The following ADD1 variants were observed in gnomAD, a reference collection of about 807,000 sequenced individuals.
ADD1 encodes the protein adducin 1.
A neutral mutation model predicts 80.5 loss-of-function variants in ADD1; 24 were observed. That is an observed-to-expected ratio of 0.30 (90% confidence interval 0.22 to 0.42). The LOEUF is 0.42. Among genes scored for constraint, ADD1 ranks in the 10% least tolerant of loss-of-function variants. The pLI, the probability that ADD1 is intolerant of heterozygous loss-of-function variation, is 1.00. For synonymous variants in ADD1, 373 were observed against 393.8 expected (o/e 0.95, Z 0.63); for missense variants, 948 against 1,019.0 (o/e 0.93, Z 0.95).
chr4:2,907,885 G>A (rs574980183), intron 11 of ADD1, 41 bp downstream of exon 11: 2 of 1,509,334 alleles, frequency 1.3e-6, no homozygotes, highest in South Asian at 2.3e-5. Flanking sequence ...TTGGGTGTGG[G>A]ATTGGAAGGG....
At chr4:2,858,099 T>C (rs2108813517) in intron 1 of ADD1, among the ~76,000 whole-genome samples, 1 of 152,322 alleles carries the variant, frequency 6.6e-6, no homozygotes, top group South Asian at 2.1e-4. Flanking sequence ...TACGAAGCCG[T>C]GATAACAGCC....
Position 2,856,581 on chromosome 4 carries a change from A to G in ADD1, c.-21+12557A>G, listed in dbSNP as rs577366882. Among the ~76,000 whole-genome samples, 4 of 141,428 alleles carry G rather than the reference A, an allele frequency of 2.8e-5. No homozygotes were observed. The Admixed American group carries it at 2.8e-4, about 10-fold the overall frequency. The allele number at this position is 141,428 out of a possible 152,430, so 92.8% of individuals were successfully genotyped here. ...CATGTTACTCAAGTAAATGGTTACT[A>G]GAGTTTTTTTTTTTTTTTTTTTTTT... On this transcript the variant is annotated intron_variant, in intron 1 of 15. Transcript: ENST00000683351.
At position 2,876,022 on chromosome 4, in the gene ADD1, T is replaced by C; in HGVS notation, c.107T>C (p.Leu36Ser). ...GTAGATGAGAACAACCCAGAGTACT[T>C]GAGGGAGAGGAACATGGCACCAGAC... ...DRVDENNPEY[L>S]RERNMAPDLR... The change falls in exon 2 of 16, where the codon TTG becomes TCG. Residue 36 changes from leucine (L) to serine (S), a missense_variant. Coordinates refer to ENST00000683351, the MANE Select transcript of ADD1 (RefSeq NM_001354761.2). 1 of 1,613,922 alleles carries C rather than the reference T, an allele frequency of 6.2e-7. No individual in the cohort carries two copies. Among genetic ancestry groups the C allele is most frequent in the Non-Finnish European group, 8.5e-7 (1 of 1,179,960 alleles).
At chr4:2,911,448 A>ATATATATATATATATATATATTT (rs553567632) in intron 13 of ADD1, among the ~76,000 whole-genome samples, 1 of 130,520 alleles carries the variant, frequency 7.7e-6, no homozygotes, top group African/African-American at 3.0e-5. Flanking sequence ...ATATATATAT[A>ATATATATATATATATATATATTT]TTTTTTTTTT....
At chr4:2,888,810 T>C (rs935618955) in intron 4 of ADD1, among the ~76,000 whole-genome samples, 2 of 152,090 alleles carry the variant, frequency 1.3e-5, no homozygotes, top group African/African-American at 4.8e-5. Context: ...TGTTGTATAC[T>C]ATGAAAAACA....
At chr4:2,899,156 C>G in intron 8 of ADD1, 103 bp from the exon 9 acceptor site, 1 of 1,166,916 alleles carries the variant, frequency 8.6e-7, no homozygotes, top group Non-Finnish European at 1.2e-6. Context: ...TTCTTACACT[C>G]TAGAGATTTG....
intron 4 of ADD1, among the ~76,000 whole-genome samples, chr4:2,892,323 T>A (rs1734423933): frequency 6.6e-6 from 1 of 152,250 alleles, no homozygotes; most frequent in Non-Finnish European, 1.5e-5. Flanking sequence ...TTAGGAAGCC[T>A]TTTGAGCCTA....
chr4:2,875,876 C>A lies in ADD1; in HGVS notation c.-20-20C>A, dbSNP rs779570947. 1.3e-6 allele frequency: 2 copies of A among 1,520,498 alleles called. No homozygotes were observed. The highest frequency in any genetic ancestry group is 2.6e-5 in the South Asian group (2 of 76,666). The allele number at this position is 1,520,498 out of a possible 1,614,324, so 94.2% of individuals were successfully genotyped here. On this transcript the variant is annotated intron_variant, in intron 1 of 15. Coordinates refer to ENST00000683351, the MANE Select transcript of ADD1 (RefSeq NM_001354761.2). ...GACATTGATTTGAAAACAATAATTTCTTTTATTTTGATTCTGTAGGAACCT... is the reference window on the plus strand; with the variant it reads ...GACATTGATTTGAAAACAATAATTTATTTTATTTTGATTCTGTAGGAACCT...
At chr4:2,870,948 T>G (rs74910331) in intron 1 of ADD1, among the ~76,000 whole-genome samples, 6 of 148,498 alleles carry the variant, frequency 4.0e-5, no homozygotes, top group Admixed American at 2.7e-4. Context: ...CTGTTTTTTT[T>G]GTAAACAGAT....
intron 6 of ADD1, among the ~76,000 whole-genome samples, chr4:2,897,541 CTTTTTTTTTTTTTTT>C (rs34592055): frequency 1.0e-5 from 1 of 99,156 alleles, no homozygotes; most frequent in Non-Finnish European, 2.0e-5. Flanking sequence ...AAACCTCCTC[CTTTTTTTTTTTTTTT>C]TTTTTTTTTA....
At chr4:2,851,999 C>T (rs560167752) in intron 1 of ADD1, among the ~76,000 whole-genome samples, 5 of 152,142 alleles carry the variant, frequency 3.3e-5, no homozygotes, top group East Asian at 3.9e-4. Context: ...TCACTACGCC[C>T]GGCTAATTTT....
chr4:2,844,521 C>G (rs1460070505), intron 1 of ADD1: 1 of 152,248 alleles, frequency 6.6e-6, no homozygotes, highest in Non-Finnish European at 1.5e-5. Flanking sequence ...AATCGTGGAA[C>G]TTTATCAGCG....
intron 1 of ADD1, among the ~76,000 whole-genome samples, chr4:2,869,560 G>A (rs2108861259): frequency 6.6e-6 from 1 of 152,214 alleles, no homozygotes; most frequent in East Asian, 1.9e-4. Context: ...TGTGAATTTT[G>A]GGGAGTGGAC....
At chr4:2,910,704 T>C (rs557824819) in intron 13 of ADD1, among the ~76,000 whole-genome samples, 1 of 152,290 alleles carries the variant, frequency 6.6e-6, no homozygotes. Context: ...CTTTGTGTGC[T>C]CTGTCCCAGT....
intron 1 of ADD1, among the ~76,000 whole-genome samples, chr4:2,874,239 C>T (rs1439603855): frequency 6.6e-6 from 1 of 151,506 alleles, no homozygotes; most frequent in East Asian, 1.9e-4. Flanking sequence ...AAAAAGATTC[C>T]ACTGAGGTCA....
chr4:2,927,332 G>A (rs1460330442), intron 15 of ADD1, among the ~76,000 whole-genome samples: 1 of 152,202 alleles, frequency 6.6e-6, no homozygotes, highest in Non-Finnish European at 1.5e-5. Flanking sequence ...GGTGCTTCCA[G>A]CTTCCCAAAG....
intron 2 of ADD1, among the ~76,000 whole-genome samples, chr4:2,879,677 CA>C (rs1320611328): frequency 1.3e-5 from 2 of 151,924 alleles, no homozygotes; most frequent in Non-Finnish European, 2.9e-5. Flanking sequence ...GGCTGGAGTG[CA>C]GTGGCGTGAT....
intron 4 of ADD1, among the ~76,000 whole-genome samples, chr4:2,888,039 A>G (rs1733672847): frequency 6.6e-6 from 1 of 152,132 alleles, no homozygotes; most frequent in South Asian, 2.1e-4. Flanking sequence ...AGAAGGAAAC[A>G]TTATTAATTA....
intron 3 of ADD1, 62 bp downstream of exon 3, chr4:2,882,122 T>G: frequency 4.8e-6 from 7 of 1,460,070 alleles, no homozygotes; most frequent in Non-Finnish European, 6.4e-6. Context: ...TCCTGAAGAT[T>G]GCTCATGTGA....
Sources: gnomAD v4.1 joint callset for allele counts (sites outside exome capture counted in the v4.1 genomes callset) on GRCh38, gnomAD v4.1.1 for gene constraint, MANE v1.5 for transcripts, NCBI Gene and HGNC (gene_info 2026-07-23, HGNC 2026-07-21) for gene names.